TMEM132B: variants seen among roughly 807,000 people sequenced by gnomAD.
The protein encoded by TMEM132B is transmembrane protein 132B.
A neutral mutation model predicts 90.8 loss-of-function variants in TMEM132B; 18 were observed. The ratio of observed to expected loss-of-function variants is 0.20; its 90% CI spans 0.14 to 0.29. The LOEUF is 0.29. TMEM132B is among the 10% of genes least tolerant of loss of function. TMEM132B has a pLI of 1.00. For synonymous variants in TMEM132B, 504 were observed against 523.3 expected, an observed-to-expected ratio of 0.96 and a Z score of 0.50; for missense variants, 1,096 against 1,326.8, an observed-to-expected ratio of 0.83 and a Z score of 2.70.
Position 125,311,971 on chromosome 12 carries a change from A to G in TMEM132B, c.68-37481A>G, listed in dbSNP as rs529740190. On this transcript the variant is annotated intron_variant, in intron 1 of 8. Coordinates refer to ENST00000682704, the MANE Select transcript of TMEM132B (RefSeq NM_001366854.1). ...GCATAAAGGAGTGAAGCAGGTGCTC[A>G]TATACAAACAATGAGCACGCTCTCT... Among the ~76,000 whole-genome samples, 21 of 152,356 alleles carry G rather than the reference A, an allele frequency of 1.4e-4. 1 individual carries two copies. The highest frequency in any genetic ancestry group is 6.5e-4 in the Admixed American group (10 of 15,306).
intron 3 of TMEM132B, among the ~76,000 whole-genome samples, chr12:125,482,839 C>G (rs1004262076): frequency 6.6e-6 from 1 of 152,122 alleles, no homozygotes; most frequent in African/African-American, 2.4e-5. Flanking sequence ...AGACTTGGAA[C>G]CCACCCAAAT....
intron 4 of TMEM132B, among the ~76,000 whole-genome samples, chr12:125,552,877 C>T (rs780207512): frequency 7.9e-5 from 12 of 152,344 alleles, no homozygotes; most frequent in Admixed American, 2.0e-4. Context: ...GTCAGGAGAG[C>T]GGCAGAGGGC....
intron 4 of TMEM132B, among the ~76,000 whole-genome samples, chr12:125,570,734 A>G (rs1221884618): frequency 1.3e-5 from 2 of 152,324 alleles, no homozygotes; most frequent in East Asian, 3.9e-4. Context: ...AATTGGAGCC[A>G]ACATCCTTGC....
chr12:125,200,771 G>A (rs770859562), intron 1 of TMEM132B, among the ~76,000 whole-genome samples: 6 of 152,164 alleles, frequency 3.9e-5, no homozygotes, highest in African/African-American at 7.2e-5. Context: ...GGAAGAAGGG[G>A]GACTTGTTCT....
At chr12:125,491,758 C>T (rs184336035) in intron 3 of TMEM132B, among the ~76,000 whole-genome samples, 3 of 152,280 alleles carry the variant, frequency 2.0e-5, no homozygotes, top group South Asian at 2.1e-4. Context: ...GATCGATAGG[C>T]GTTTGTTTGT....
At chr12:125,336,737 G>A (rs1228517783) in intron 1 of TMEM132B, among the ~76,000 whole-genome samples, 1 of 152,220 alleles carries the variant, frequency 6.6e-6, no homozygotes, top group African/African-American at 2.4e-5. Context: ...TTGACACAGA[G>A]GGAAATCGAA....
intron 3 of TMEM132B, among the ~76,000 whole-genome samples, chr12:125,436,077 G>C (rs901372583): frequency 1.3e-5 from 2 of 152,136 alleles, no homozygotes; most frequent in Admixed American, 6.5e-5. Flanking sequence ...TGGGCGTTGC[G>C]GTCTTTGCCT....
At position 125,478,345 on chromosome 12, in the gene TMEM132B, C is replaced by CA. The variant is rs773716104; in HGVS notation, c.1107-41093dup. Among the ~76,000 whole-genome samples the CA allele has an allele frequency of 5.9e-5, 9 of 152,236 alleles. No homozygotes were observed. The South Asian group carries it at 1.9e-3, about 32-fold the overall frequency. ...GCTATAGGAGGATGTTCAAAGCCAT[C>CA]ATAAGGAAGCTAAAAACCTTGAAAA... is the stretch of plus-strand genomic sequence containing the variant. On this transcript the variant is annotated intron_variant, in intron 3 of 8. Transcript: ENST00000682704.
At chr12:125,602,214 A>G (rs746422313) in intron 5 of TMEM132B, among the ~76,000 whole-genome samples, 5 of 152,210 alleles carry the variant, frequency 3.3e-5, no homozygotes, top group Admixed American at 6.5e-5. Context: ...AAAATCCTCA[A>G]TAAAATACTG....
chr12:125,356,888 G>A (rs573974832), intron 2 of TMEM132B, among the ~76,000 whole-genome samples: 14 of 152,316 alleles, frequency 9.2e-5, no homozygotes, highest in Admixed American at 9.2e-4. Flanking sequence ...GCCCCACTGG[G>A]CCTCTTGCCC....
chr12:125,323,876 C>T lies in TMEM132B; in HGVS notation c.68-25576C>T, dbSNP rs931105923. Among the ~76,000 whole-genome samples the T allele has an allele frequency of 5.3e-5, 8 of 152,052 alleles. No individual in the cohort carries two copies. In the South Asian group the frequency reaches 8.3e-4, roughly 16 times the overall value. On this transcript the variant is annotated intron_variant, in intron 1 of 8. Coordinates refer to ENST00000682704, the MANE Select transcript of TMEM132B (RefSeq NM_001366854.1). Reference sequence around the variant, plus strand: ...TACCTACCTCATAGAGTTATAAGGACGAAAGGAGCTCGTGTATATAAAGGC... The same window carrying T: ...TACCTACCTCATAGAGTTATAAGGATGAAAGGAGCTCGTGTATATAAAGGC...
At chr12:125,555,617 G>A (rs1439038289) in intron 4 of TMEM132B, among the ~76,000 whole-genome samples, 1 of 150,872 alleles carries the variant, frequency 6.6e-6, no homozygotes, top group Admixed American at 6.6e-5. Flanking sequence ...TAATGTAAAT[G>A]ACGAGTTAAT....
intron 2 of TMEM132B, among the ~76,000 whole-genome samples, chr12:125,366,055 T>G (rs886270559): frequency 1.3e-5 from 2 of 152,042 alleles, no homozygotes; most frequent in African/African-American, 4.8e-5. Flanking sequence ...TTCATTCTAC[T>G]CTCTACCTCC....
At chr12:125,347,899 A>G (rs1877413565) in intron 1 of TMEM132B, among the ~76,000 whole-genome samples, 1 of 152,238 alleles carries the variant, frequency 6.6e-6, no homozygotes, top group Non-Finnish European at 1.5e-5. Flanking sequence ...ATGTTTATGT[A>G]TATGTGCTGT....
chr12:125,439,733 C>T (rs1228338857), intron 3 of TMEM132B, among the ~76,000 whole-genome samples: 3 of 152,130 alleles, frequency 2.0e-5, no homozygotes, highest in African/African-American at 7.2e-5. Flanking sequence ...AGAGTGCATC[C>T]TTGTCTTGTG....
intron 3 of TMEM132B, among the ~76,000 whole-genome samples, chr12:125,424,791 G>A (rs1880268372): frequency 6.6e-6 from 1 of 152,144 alleles, no homozygotes; most frequent in African/African-American, 2.4e-5. Context: ...TATGGAGGGG[G>A]ACTCAATTGT....
At chr12:125,352,109 C>A (rs1193679070) in intron 2 of TMEM132B, among the ~76,000 whole-genome samples, 2 of 152,218 alleles carry the variant, frequency 1.3e-5, no homozygotes, top group Non-Finnish European at 2.9e-5. Flanking sequence ...GCGTTCTAGA[C>A]TGTGAGGTTC....
At chr12:125,478,696 TATC>T (rs1881957516) in intron 3 of TMEM132B, among the ~76,000 whole-genome samples, 1 of 152,160 alleles carries the variant, frequency 6.6e-6, no homozygotes, top group South Asian at 2.1e-4. Flanking sequence ...TTCAGGATAT[TATC>T]GAGGAGAACT....
intron 1 of TMEM132B, among the ~76,000 whole-genome samples, chr12:125,334,514 C>T (rs988250348): frequency 3.9e-5 from 6 of 152,164 alleles, no homozygotes; most frequent in Admixed American, 3.9e-4. Context: ...TGACAGGGTT[C>T]CTTGGTTTGT....
Sources: gnomAD v4.1 joint callset for allele counts (sites outside exome capture counted in the v4.1 genomes callset) on GRCh38, gnomAD v4.1.1 for gene constraint, MANE v1.5 for transcripts, NCBI Gene and HGNC (gene_info 2026-07-23, HGNC 2026-07-21) for gene names.